MYT1L: variants seen among roughly 807,000 people sequenced by gnomAD.
MYT1L encodes the protein myelin transcription factor 1 like.
In MYT1L, 12 loss-of-function variants were observed where a neutral mutation model predicts 126.7. The ratio of observed to expected loss-of-function variants is 0.09; its 90% confidence interval spans 0.06 to 0.15. The LOEUF is 0.15. Among genes scored for constraint, MYT1L ranks in the 10% least tolerant of loss-of-function variants. MYT1L has a pLI of 1.00. For missense variants in MYT1L, 979 were observed against 1,585.2 expected (o/e 0.62, Z 6.49); for synonymous variants, 541 against 604.2 (o/e 0.90, Z 1.53).
chr2:1,989,543 G>A (rs779197701), intron 5 of MYT1L, among the ~76,000 whole-genome samples: 13 of 152,172 alleles, frequency 8.5e-5, no homozygotes, highest in African/African-American at 2.7e-4. Context: ...ATTAAGGATC[G>A]CATGAAGGTT....
At chr2:2,173,789 G>T (rs1198597998) in intron 2 of MYT1L, among the ~76,000 whole-genome samples, 3 of 152,164 alleles carry the variant, frequency 2.0e-5, no homozygotes, top group Non-Finnish European at 4.4e-5. Flanking sequence ...AAGTGTTAAT[G>T]GGCCTCAGTG....
intron 3 of MYT1L, among the ~76,000 whole-genome samples, chr2:2,150,422 A>G (rs554284828): frequency 1.3e-5 from 2 of 152,324 alleles, no homozygotes; most frequent in South Asian, 4.1e-4. Context: ...TCAGTTTTCC[A>G]TCTACTGCAG....
At chr2:1,956,568 TTC>T (rs1311249328) in intron 8 of MYT1L, among the ~76,000 whole-genome samples, 7 of 128,500 alleles carry the variant, frequency 5.4e-5, no homozygotes, top group African/African-American at 2.1e-4. Flanking sequence ...TATTCTATAT[TTC>T]CTATTCTATC....
At position 1,997,183 on chromosome 2, in the gene MYT1L, G is replaced by A. The variant is rs1346375855; in HGVS notation, c.-1+8C>T. ...GCACAGAACCGAGTGTAGACGGGCC[G>A]CCTTTACCTTACAGGAAGTCTTCTC... On this transcript the variant is annotated splice_region_variant and intron_variant, in intron 5 of 24. Coordinates refer to ENST00000647738, the MANE Select transcript of MYT1L (RefSeq NM_001303052.2). The A allele has an allele frequency of 2.0e-5, 3 of 152,912 alleles. No homozygotes were observed. The highest frequency in any genetic ancestry group is 2.9e-5 in the Non-Finnish European group (2 of 68,214). The allele number at this position is 152,912 out of a possible 1,614,324, so 9.5% of individuals were successfully genotyped here.
chr2:2,091,872 T>A (rs1286067527), intron 3 of MYT1L, among the ~76,000 whole-genome samples: 2 of 152,202 alleles, frequency 1.3e-5, no homozygotes, highest in Non-Finnish European at 2.9e-5. Context: ...CAAACTTTTC[T>A]TCTGCAGCTT....
At chr2:1,886,914 AATTAG>A (rs1573233961) in intron 17 of MYT1L, 1 of 400,668 alleles carries the variant, frequency 2.5e-6, no homozygotes, top group East Asian at 3.6e-5. Flanking sequence ...ACAACACATA[AATTAG>A]CATGCTTTTG....
intron 2 of MYT1L, among the ~76,000 whole-genome samples, chr2:2,217,546 G>T (rs1174904631): frequency 6.6e-6 from 1 of 151,816 alleles, no homozygotes; most frequent in East Asian, 1.9e-4. Context: ...AGCCAGGCAT[G>T]CTGGCAGCCA....
At chr2:2,068,951 G>A (rs1232212287) in intron 3 of MYT1L, among the ~76,000 whole-genome samples, 1 of 151,902 alleles carries the variant, frequency 6.6e-6, no homozygotes, top group Non-Finnish European at 1.5e-5. Context: ...GAGGCCACGG[G>A]TGCCTGGAGT....
chr2:2,251,009 A>G (rs775931072), intron 2 of MYT1L, among the ~76,000 whole-genome samples: 1 of 152,188 alleles, frequency 6.6e-6, no homozygotes, highest in Non-Finnish European at 1.5e-5. Flanking sequence ...TATTTTGCCG[A>G]CTTAATGTTT....
At chr2:2,124,033 T>A (rs1339240414) in intron 3 of MYT1L, among the ~76,000 whole-genome samples, 2 of 152,212 alleles carry the variant, frequency 1.3e-5, no homozygotes, top group African/African-American at 4.8e-5. Context: ...ATCTGTGATG[T>A]TGAAACCACA....
intron 9 of MYT1L, among the ~76,000 whole-genome samples, chr2:1,940,996 C>G (rs2056587619): frequency 6.6e-6 from 1 of 152,198 alleles, no homozygotes; most frequent in Non-Finnish European, 1.5e-5. Context: ...GCAAAAATGT[C>G]TTTAATTCTA....
chr2:1,905,673 T>A (rs1028886164), intron 13 of MYT1L, among the ~76,000 whole-genome samples: 8 of 152,170 alleles, frequency 5.3e-5, no homozygotes, highest in African/African-American at 1.9e-4. Flanking sequence ...AATTTTTGAG[T>A]AAGATCCTAT....
At chr2:1,923,285 CA>C (rs1255215919) in intron 9 of MYT1L, 22 bp from the exon 10 acceptor site, 3 of 1,534,026 alleles carry the variant, frequency 2.0e-6, no homozygotes, top group Non-Finnish European at 2.6e-6. Context: ...ATAAAAAAGA[CA>C]AAAAAGAAAA....
At chr2:2,264,100 G>A (rs2095060996) in intron 2 of MYT1L, among the ~76,000 whole-genome samples, 1 of 152,196 alleles carries the variant, frequency 6.6e-6, no homozygotes, top group Non-Finnish European at 1.5e-5. Flanking sequence ...GGCAGGGTTA[G>A]AATTTGAACC....
At chr2:2,137,581 C>T (rs1296162712) in intron 3 of MYT1L, among the ~76,000 whole-genome samples, 2 of 152,146 alleles carry the variant, frequency 1.3e-5, no homozygotes, top group South Asian at 2.1e-4. Flanking sequence ...GAAAAACAAG[C>T]AATGGGGAAA....
At chr2:2,028,344 C>T (rs1347770275) in intron 4 of MYT1L, among the ~76,000 whole-genome samples, 1 of 152,180 alleles carries the variant, frequency 6.6e-6, no homozygotes, top group Non-Finnish European at 1.5e-5. Flanking sequence ...GGACCTCTTA[C>T]ACTTATGCCT....
At chr2:2,027,135 G>T (rs888874185) in intron 4 of MYT1L, among the ~76,000 whole-genome samples, 6 of 152,184 alleles carry the variant, frequency 3.9e-5, no homozygotes, top group African/African-American at 1.4e-4. Flanking sequence ...TGCCGCCACA[G>T]ACTGAGCCGC....
At chr2:1,976,026 T>C (rs1574146021) in intron 8 of MYT1L, among the ~76,000 whole-genome samples, 1 of 151,928 alleles carries the variant, frequency 6.6e-6, no homozygotes, top group Non-Finnish European at 1.5e-5. Context: ...AATACAACTT[T>C]TTACTTGGCT....
chr2:1,816,399 G>A (rs2037644132), intron 21 of MYT1L: 1 of 152,586 alleles, frequency 6.6e-6, no homozygotes. Flanking sequence ...CTCTCCGCCG[G>A]GTTCCCAGAA....
Sources: gnomAD v4.1 joint callset for allele counts (sites outside exome capture counted in the v4.1 genomes callset) on GRCh38, gnomAD v4.1.1 for gene constraint, MANE v1.5 for transcripts, NCBI Gene and HGNC (gene_info 2026-07-23, HGNC 2026-07-21) for gene names.